Variants in RAMP3 observed in about 807,000 individuals in gnomAD.
RAMP3 encodes the protein receptor activity modifying protein 3.
A neutral mutation model predicts 13.5 loss-of-function variants in RAMP3; 14 were observed. The ratio of observed to expected loss-of-function variants is 1.04; its 90% CI spans 0.69 to 1.63. RAMP3 has a LOEUF of 1.63. Ranked by LOEUF, RAMP3 falls within the 40% of genes most tolerant of loss-of-function variation. The pLI is 0.00. For synonymous variants in RAMP3, 106 were observed against 88.3 expected, an observed-to-expected ratio of 1.20 and a Z score of -1.12; for missense variants, 200 against 204.8, an observed-to-expected ratio of 0.98 and a Z score of 0.14.
chr7:45,163,605 GGCCCGATGGAA>G (rs1785904591), intron 1 of RAMP3: 13 of 985,342 alleles, frequency 1.3e-5, no homozygotes, highest in Non-Finnish European at 1.6e-5. Flanking sequence ...AGGAAGTTGG[GGCCCGATGGAA>G]GCTAACCTTG....
chr7:45,174,084 G>A (rs1786132373), intron 1 of RAMP3, among the ~76,000 whole-genome samples: 1 of 152,192 alleles, frequency 6.6e-6, no homozygotes, highest in Non-Finnish European at 1.5e-5. Context: ...AGAGCAGACA[G>A]GATGGGGAGC....
intron 1 of RAMP3, among the ~76,000 whole-genome samples, chr7:45,159,747 C>T (rs1485820509): frequency 6.6e-6 from 1 of 152,158 alleles, no homozygotes; most frequent in Admixed American, 6.5e-5. Flanking sequence ...TCCCTATCAC[C>T]TTGTGTTGGG....
At chr7:45,159,798 G>A (rs763680853) in intron 1 of RAMP3, among the ~76,000 whole-genome samples, 12 of 152,208 alleles carry the variant, frequency 7.9e-5, no homozygotes, top group Non-Finnish European at 1.5e-4. Flanking sequence ...TTAAACAAGG[G>A]GAGGTATGGG....
At chr7:45,172,545 G>A (rs1427075620) in intron 1 of RAMP3, among the ~76,000 whole-genome samples, 1 of 152,106 alleles carries the variant, frequency 6.6e-6, no homozygotes, top group Non-Finnish European at 1.5e-5. Flanking sequence ...GCACGATCTT[G>A]GCTCACTGCA....
At chr7:45,167,901 CAT>C (rs1554397569) in intron 1 of RAMP3, among the ~76,000 whole-genome samples, 1 of 151,994 alleles carries the variant, frequency 6.6e-6, no homozygotes, top group Non-Finnish European at 1.5e-5. Flanking sequence ...TGTTCTTTTT[CAT>C]GATTGTTTTG....
intron 1 of RAMP3, among the ~76,000 whole-genome samples, chr7:45,161,698 A>G (rs11983302): frequency 0.28 from 41,779 of 150,440 alleles, 6,975 homozygotes; most frequent in African/African-American, 0.47. Flanking sequence ...AGGGGGAGGC[A>G]GAGGAGGAAG....
chr7:45,167,223 CTGGGA>C lies in RAMP3; in HGVS notation c.58+9339_58+9343del, dbSNP rs571116206. ...CTGCCTGCCACGGCCTCCCAAAGTG[CTGGGA>C]TTACAGGCGTGAGCCACGGCGCCCG... On this transcript the variant is annotated intron_variant, in intron 1 of 2. Coordinates refer to ENST00000242249, the MANE Select transcript of RAMP3 (RefSeq NM_005856.3). Among the ~76,000 whole-genome samples, 1,261 of 152,286 alleles carry C rather than the reference CTGGGA, an allele frequency of 8.3e-3. 20 individuals carry two copies. The highest frequency in any genetic ancestry group is 0.028 in the African/African-American group (1,180 of 41,556).
rs535544637 is a variant in RAMP3 at position 45,180,117 on chromosome 7, G to A, written c.191+2676G>A. ...CCACATACCTTTCTCAAGCTCTGGC[G>A]GCTGTGCGCCAAGGTGTGGAGCAAA... is the stretch of plus-strand genomic sequence containing the variant. On this transcript the variant is annotated intron_variant, in intron 2 of 2. Transcript: ENST00000242249. Among the ~76,000 whole-genome samples, 58 of 152,362 alleles carry A rather than the reference G, an allele frequency of 3.8e-4. No individual in the cohort carries two copies. In the South Asian group the frequency reaches 0.011, roughly 29 times the overall value.
At chr7:45,175,632 C>T (rs1226142593) in intron 1 of RAMP3, among the ~76,000 whole-genome samples, 1 of 152,150 alleles carries the variant, frequency 6.6e-6, no homozygotes, top group East Asian at 1.9e-4. Context: ...CTGGCAAGCC[C>T]TTTTGTGTTC....
At chr7:45,163,376 G>A in intron 1 of RAMP3, 3 of 985,460 alleles carry the variant, frequency 3.0e-6, no homozygotes, top group Non-Finnish European at 3.6e-6. Context: ...TTCCTTCAAA[G>A]CACTTCAGGG....
At chr7:45,158,013 A>G in intron 1 of RAMP3, 127 bp downstream of exon 1, 1 of 924,446 alleles carries the variant, frequency 1.1e-6, no homozygotes, top group South Asian at 3.0e-5. Context: ...GGAGGGGCGC[A>G]CAGTGACCCT....
chr7:45,173,983 G>A (rs1473084186), intron 1 of RAMP3, among the ~76,000 whole-genome samples: 1 of 152,122 alleles, frequency 6.6e-6, no homozygotes, highest in Non-Finnish European at 1.5e-5. Context: ...AAGGAGAGGG[G>A]TGAGGTGGGG....
Position 45,157,800 on chromosome 7 carries a change from G to T in RAMP3, c.-29G>T. The T allele has an allele frequency of 1.7e-6, 2 of 1,153,380 alleles. No individual in the cohort carries two copies. The highest frequency in any genetic ancestry group is 1.5e-5 in the South Asian group (1 of 64,684). The allele number at this position is 1,153,380 out of a possible 1,614,324, so 71.4% of individuals were successfully genotyped here. A position where few individuals can be genotyped will look rare whatever the true frequency, so the allele number is the denominator to read the frequency against. Reference sequence around the variant, plus strand: ...CCCCAGCCGCGCCCCCAGCGGGACCGAGCGTGACCCAGCTGCGGCCGGCCA... The same window carrying T: ...CCCCAGCCGCGCCCCCAGCGGGACCTAGCGTGACCCAGCTGCGGCCGGCCA... On this transcript the variant is annotated 5_prime_UTR_variant, in exon 1 of 3. Coordinates refer to ENST00000242249, the MANE Select transcript of RAMP3 (RefSeq NM_005856.3).
chr7:45,161,003 C>T (rs1785856394), intron 1 of RAMP3, among the ~76,000 whole-genome samples: 1 of 152,216 alleles, frequency 6.6e-6, no homozygotes, highest in South Asian at 2.1e-4. Flanking sequence ...CTCAGGGTGC[C>T]TGCCTTGTGC....
Position 45,157,871 on chromosome 7 carries a change from C to T in RAMP3, c.43C>T (p.Leu15=). 1.4e-6 allele frequency: 2 copies of T among 1,401,866 alleles called. No individual in the cohort carries two copies. The highest frequency in any genetic ancestry group is 1.6e-5 in the South Asian group (1 of 61,738). 86.8% of individuals were successfully genotyped at this position (1,401,866 alleles called of 1,614,324 possible). A position where few individuals can be genotyped will look rare whatever the true frequency, so the allele number is the denominator to read the frequency against. ...GCGGCGCCCGCAACTTCTCCCGTTG[C>T]TGCTGCTGCTCTGCGGTAAGGGGGC... The part of the protein sequence containing the change: ...ALRRPQLLPL[L]LLLCGGCPRA... Residue 15 remains leucine (L), a synonymous_variant, in exon 1 of 3, where the codon CTG becomes TTG. Coordinates refer to ENST00000242249, the MANE Select transcript of RAMP3 (RefSeq NM_005856.3).
At chr7:45,180,537 G>A (rs1670719322) in intron 2 of RAMP3, among the ~76,000 whole-genome samples, 1 of 152,220 alleles carries the variant, frequency 6.6e-6, no homozygotes, top group South Asian at 2.1e-4. Context: ...CCTTCCCTGG[G>A]GAGGAGTCTC....
chr7:45,167,172 T>A (rs1785979486), intron 1 of RAMP3, among the ~76,000 whole-genome samples: 1 of 152,126 alleles, frequency 6.6e-6, no homozygotes, highest in Admixed American at 6.5e-5. Context: ...TTAGCTAGGA[T>A]GGTCTCGATC....
chr7:45,167,070 G>T (rs1307446633), intron 1 of RAMP3, among the ~76,000 whole-genome samples: 1 of 148,390 alleles, frequency 6.7e-6, no homozygotes, highest in African/African-American at 2.5e-5. Context: ...CCATTCTCCT[G>T]CCTCAGCCTC....
chr7:45,161,982 T>G (rs1292550976), intron 1 of RAMP3, among the ~76,000 whole-genome samples: 1 of 151,690 alleles, frequency 6.6e-6, no homozygotes, highest in Non-Finnish European at 1.5e-5. Context: ...GGACAGGAGC[T>G]GGATGTGGAG....
Sources: gnomAD v4.1 joint callset for allele counts (sites outside exome capture counted in the v4.1 genomes callset) on GRCh38, gnomAD v4.1.1 for gene constraint, MANE v1.5 for transcripts, NCBI Gene and HGNC (gene_info 2026-07-23, HGNC 2026-07-21) for gene names.